Variants in PDE1A observed in about 807,000 individuals in gnomAD.
PDE1A encodes the protein dual specificity calcium/calmodulin-dependent 3',5'-cyclic nucleotide phosphodiesterase 1A.
PDE1A carries 35 observed loss-of-function variants against 61.7 expected under a neutral mutation model. That is an observed-to-expected ratio of 0.57 (90% CI 0.43 to 0.75). PDE1A has a LOEUF of 0.75. PDE1A is among the 30% of genes least tolerant of loss of function. PDE1A has a pLI of 0.00. For missense variants in PDE1A, 597 were observed against 630.6 expected (o/e 0.95, Z 0.57); for synonymous variants, 232 against 213.2 (o/e 1.09, Z -0.77).
chr2:182,685,562 T>C, the PDE1A span, among the ~76,000 whole-genome samples: 1 of 152,204 alleles, frequency 6.6e-6, no homozygotes. Context: ...TCTACTCATC[T>C]ACAAATTGTG....
intron 2 of PDE1A, among the ~76,000 whole-genome samples, chr2:182,482,091 CTTA>C (rs1687737037): frequency 1.3e-5 from 2 of 151,842 alleles, no homozygotes; most frequent in Non-Finnish European, 2.9e-5. Context: ...TCACTATTTT[CTTA>C]TTAACAGTCT....
chr2:182,369,295 T>C (rs1358864161), intron 1 of PDE1A, among the ~76,000 whole-genome samples: 1 of 152,232 alleles, frequency 6.6e-6, no homozygotes, highest in East Asian at 1.9e-4. Flanking sequence ...GCTAATCTTC[T>C]TGATACATTG....
intron 2 of PDE1A, among the ~76,000 whole-genome samples, chr2:182,505,342 G>A (rs1488437020): frequency 6.6e-6 from 1 of 152,178 alleles, no homozygotes; most frequent in African/African-American, 2.4e-5. Flanking sequence ...TACCCACTAT[G>A]TAGTTATCTA....
chr2:182,571,048 G>A, the PDE1A span, among the ~76,000 whole-genome samples: 3 of 152,128 alleles, frequency 2.0e-5, no homozygotes, highest in Non-Finnish European at 4.4e-5. Flanking sequence ...AAAATAAGTG[G>A]CTAATTCATT....
At chr2:182,380,841 T>G (rs1700692379) in intron 1 of PDE1A, among the ~76,000 whole-genome samples, 1 of 152,198 alleles carries the variant, frequency 6.6e-6, no homozygotes, top group South Asian at 2.1e-4. Flanking sequence ...AAGCAATAAA[T>G]ATCACTGAAT....
Position 182,490,363 on chromosome 2 carries a change from TTTTA to T in PDE1A, c.101+31909_101+31912del, listed in dbSNP as rs1379324970. Among the ~76,000 whole-genome samples the T allele has an allele frequency of 1.5e-4, 23 of 152,230 alleles. No homozygotes were observed. The South Asian group carries it at 3.5e-3, about 23-fold the overall frequency. ...ATGACATAGGTTAAAAGATTTTAAT[TTTTA>T]TTTATTTATTTATTTACTTTTTGAG... On this transcript the variant is annotated intron_variant, in intron 2 of 14. Coordinates refer to the PDE1A transcript ENST00000410103.
chr2:182,157,019 A>ATTATT (rs1333045160), intron 13 of PDE1A, among the ~76,000 whole-genome samples: 1 of 120,506 alleles, frequency 8.3e-6, no homozygotes, highest in South Asian at 2.2e-4. Flanking sequence ...ATTTTATTTT[A>ATTATT]TTTTTTTTTT....
chr2:182,196,491 C>T (rs1686142362), intron 10 of PDE1A, among the ~76,000 whole-genome samples: 1 of 151,602 alleles, frequency 6.6e-6, no homozygotes, highest in Non-Finnish European at 1.5e-5. Context: ...TTATGATATA[C>T]TCTTTTTAAA....
intron 1 of PDE1A, among the ~76,000 whole-genome samples, chr2:182,380,128 T>TTTTTTA (rs1491369913): frequency 8.0e-6 from 1 of 124,286 alleles, no homozygotes; most frequent in East Asian, 3.0e-4. Flanking sequence ...TTTTTTTTTT[T>TTTTTTA]GAGACAGAGT....
chr2:182,537,033 A>G, the PDE1A span, among the ~76,000 whole-genome samples: 2 of 152,336 alleles, frequency 1.3e-5, no homozygotes, highest in South Asian at 4.1e-4. Flanking sequence ...CATGAATGCA[A>G]TATCATAAAA....
At chr2:182,605,509 G>A in the PDE1A span, among the ~76,000 whole-genome samples, 9 of 152,220 alleles carry the variant, frequency 5.9e-5, no homozygotes, top group Non-Finnish European at 1.2e-4. Flanking sequence ...CCTTGAGTAA[G>A]GACAATGTGG....
At chr2:182,230,120 A>G in exon 6 of PDE1A, 1 of 1,612,786 alleles carries the variant, frequency 6.2e-7, no homozygotes, top group Non-Finnish European at 8.5e-7. Flanking sequence ...AAGCTTCTGC[A>G]AAGGTGATTA....
At chr2:182,194,388 A>T (rs572451476) in intron 10 of PDE1A, among the ~76,000 whole-genome samples, 1 of 152,192 alleles carries the variant, frequency 6.6e-6, no homozygotes, top group South Asian at 2.1e-4. Flanking sequence ...GCTGATATTG[A>T]TCTCTCTCTC....
chr2:182,193,830 C>A (rs562068672), intron 10 of PDE1A, among the ~76,000 whole-genome samples: 74 of 152,142 alleles, frequency 4.9e-4, no homozygotes, highest in African/African-American at 1.7e-3. Flanking sequence ...TACTTTTTTA[C>A]ATTTAAAGTT....
chr2:182,644,263 C>CTGTGTGTGTGTGTGTGTGTGTGTGTGTG, the PDE1A span, among the ~76,000 whole-genome samples: 27 of 123,130 alleles, frequency 2.2e-4, 1 homozygote, highest in African/African-American at 7.7e-4. Flanking sequence ...TCTTAAGACT[C>CTGTGTGTGTGTGTGTGTGTGTGTGTGTG]TGTGTGTGTG....
At chr2:182,382,851 T>C (rs1317005216) in intron 1 of PDE1A, among the ~76,000 whole-genome samples, 2 of 152,188 alleles carry the variant, frequency 1.3e-5, no homozygotes, top group African/African-American at 4.8e-5. Context: ...TCTTCCAAAA[T>C]ATGAATTATA....
chr2:182,366,681 T>C (rs551985911), intron 1 of PDE1A, among the ~76,000 whole-genome samples: 17 of 152,202 alleles, frequency 1.1e-4, no homozygotes, highest in Admixed American at 9.2e-4. Context: ...TAAAGCTTTA[T>C]TTTGGGACAT....
At chr2:182,501,451 C>A (rs2125917746) in intron 2 of PDE1A, among the ~76,000 whole-genome samples, 1 of 152,304 alleles carries the variant, frequency 6.6e-6, no homozygotes, top group Non-Finnish European at 1.5e-5. Context: ...GATCTGCCTG[C>A]TTTGTTTTCT....
the PDE1A span, among the ~76,000 whole-genome samples, chr2:182,608,535 G>C: frequency 2.0e-5 from 3 of 152,306 alleles, no homozygotes; most frequent in South Asian, 2.1e-4. Context: ...GCGTGGGCTC[G>C]GCGGCCCGGC....
Sources: gnomAD v4.1 joint callset for allele counts (sites outside exome capture counted in the v4.1 genomes callset) on GRCh38, gnomAD v4.1.1 for gene constraint, MANE v1.5 for transcripts, NCBI Gene and HGNC (gene_info 2026-07-23, HGNC 2026-07-21) for gene names.